Variants in FAM228B observed in about 807,000 individuals in gnomAD.
The protein encoded by FAM228B is family with sequence similarity 228 member B.
FAM228B carries 38 observed loss-of-function variants against 42.6 expected under a neutral mutation model. That is an observed-to-expected ratio of 0.89 (90% CI 0.69 to 1.17). The LOEUF (loss-of-function observed/expected upper bound fraction) is 1.17, where lower values mean the gene tolerates loss of function less well. FAM228B is among the 50% of genes most tolerant of loss of function. FAM228B has a pLI of 0.00. For synonymous variants in FAM228B, 109 were observed against 122.3 expected (o/e 0.89, Z 0.72); for missense variants, 344 against 367.3 (o/e 0.94, Z 0.52).
At chr2:24,096,363 C>T (rs371156108) in intron 3 of FAM228B, 5 of 152,100 alleles carry the variant, frequency 3.3e-5, no homozygotes, top group African/African-American at 4.8e-5. Flanking sequence ...TTGAACCCAT[C>T]GCAAGGAAGT....
At chr2:24,166,500 T>A (rs556830538) in intron 9 of FAM228B, 3 of 152,224 alleles carry the variant, frequency 2.0e-5, no homozygotes, top group Admixed American at 2.0e-4. Flanking sequence ...TCCCATGTGC[T>A]TGCTTGCTTG....
chr2:24,077,111 TGAG>T lies in FAM228B; in HGVS notation c.-290+147_-290+149del, dbSNP rs1664783601. 1 of 122,118 alleles carries T rather than the reference TGAG, an allele frequency of 8.2e-6. No individual in the cohort carries two copies. The highest frequency in any genetic ancestry group is 1.7e-5 in the Non-Finnish European group (1 of 58,446). The allele number at this position is 122,118 out of a possible 1,614,324, so 7.6% of individuals were successfully genotyped here. A position where few individuals can be genotyped will look rare whatever the true frequency, so the allele number is the denominator to read the frequency against. On this transcript the variant is annotated intron_variant, in intron 1 of 10. Coordinates refer to the FAM228B transcript ENST00000613899. The surrounding 1 kb of genome is among the most constrained non-coding windows in gnomAD (Gnocchi z 5.5). ...ATGTGTAGCGGGAGGTGGTGGGGCC[TGAG>T]GAGGGCGGCGAGAGGTGGGGTGGGG...
intron 5 of FAM228B, chr2:24,142,378 T>C (rs1666773628): frequency 6.6e-6 from 1 of 152,220 alleles, no homozygotes; most frequent in Non-Finnish European, 1.5e-5. Flanking sequence ...ACATAGAGGC[T>C]TGATTCCTTC....
In FAM228B at chr2:24,123,530, G is replaced by A. The variant is rs1666198624; in HGVS notation, c.-36G>A. The A allele has an allele frequency of 6.6e-6, 1 of 152,170 alleles. No individual in the cohort carries two copies. The highest frequency in any genetic ancestry group is 2.4e-5 in the African/African-American group (1 of 41,444). 9.4% of individuals were successfully genotyped at this position (152,170 alleles called of 1,614,324 possible). ...TGCTCGCGCGGCGCTGCGTCCGGGAGACGGTGGGCGCCAACATTCGCGCGT... is the reference window on the plus strand; with the variant it reads ...TGCTCGCGCGGCGCTGCGTCCGGGAAACGGTGGGCGCCAACATTCGCGCGT... On this transcript the variant is annotated 5_prime_UTR_variant, in exon 1 of 11. Transcript: ENST00000615575.
intron 3 of FAM228B, among the ~76,000 whole-genome samples, chr2:24,106,177 T>G (rs960629732): frequency 2.0e-5 from 3 of 151,932 alleles, no homozygotes; most frequent in African/African-American, 7.3e-5. Flanking sequence ...TCTCCAAAGT[T>G]TACATGAAAG....
rs200381841 is a variant in FAM228B, at chr2:24,150,484, G to C, written c.686+3398G>C. 5.3e-5 allele frequency among the ~76,000 whole-genome samples: 8 copies of C among 152,054 alleles called. No homozygotes were observed. In the East Asian group the frequency reaches 1.5e-3, roughly 29 times the overall value. ...CTGTCACCCAGGCTGGAGTGCAGTG[G>C]CATAATCTCGGCTCACTGCAACCTC... On this transcript the variant is annotated intron_variant, in intron 7 of 10. Transcript: ENST00000615575.
chr2:24,145,462 C>T (rs1380736453), intron 5 of FAM228B, among the ~76,000 whole-genome samples: 2 of 152,194 alleles, frequency 1.3e-5, no homozygotes, highest in Non-Finnish European at 2.9e-5. Context: ...ATAGACACGT[C>T]TCCAGGAAAA....
intron 2 of FAM228B, among the ~76,000 whole-genome samples, chr2:24,082,069 A>C (rs1319757689): frequency 6.6e-6 from 1 of 152,102 alleles, no homozygotes. Flanking sequence ...ATCATGGCTC[A>C]CTGCAGCCTT....
At chr2:24,103,876 A>C (rs1258484107) in intron 3 of FAM228B, among the ~76,000 whole-genome samples, 1 of 152,224 alleles carries the variant, frequency 6.6e-6, no homozygotes, top group Non-Finnish European at 1.5e-5. Context: ...GCTGAACCCC[A>C]AAATCTACAG....
intron 5 of FAM228B, among the ~76,000 whole-genome samples, chr2:24,145,599 A>G (rs543753585): frequency 2.2e-4 from 33 of 152,280 alleles, no homozygotes; most frequent in Non-Finnish European, 3.7e-4. Flanking sequence ...AAGGAACACA[A>G]TAACTCTCCA....
In FAM228B at chr2:24,160,090, G is replaced by C. The variant is rs571682473; in HGVS notation, c.687-1416G>C. ...TGCAGCCTTGATCTCCTGGGCTCAA[G>C]TGATTCCCCACTCCTTGGCTCCCCA... On this transcript the variant is annotated intron_variant, in intron 7 of 10. Transcript: ENST00000615575. Among the ~76,000 whole-genome samples the C allele has an allele frequency of 2.0e-5, 3 of 151,720 alleles. No homozygotes were observed. The South Asian group carries it at 6.2e-4, about 31-fold the overall frequency.
chr2:24,084,363 GGACAGGGCAGGGCAGGGCAGGA>G lies in FAM228B; in HGVS notation c.-210+3409_-210+3430del. On this transcript the variant is annotated intron_variant, in intron 2 of 10. Transcript: ENST00000613899. This position sits in a 1 kb window ranked among gnomAD's most constrained non-coding sequence, Gnocchi z 8.4. Reference sequence around the variant, plus strand: ...ACACAGGGCAGGGCAGGGCAGGACAGGACAGGGCAGGGCAGGGCAGGACAGGACAGGGCAGGGCAGGACAGGA... The same window carrying G: ...ACACAGGGCAGGGCAGGGCAGGACAGCAGGACAGGGCAGGGCAGGACAGGA... 5 of 1,326,756 alleles carry G rather than the reference GGACAGGGCAGGGCAGGGCAGGA, an allele frequency of 3.8e-6. No homozygotes were observed. Among genetic ancestry groups the G allele is most frequent in the Non-Finnish European group, 4.1e-6 (4 of 974,032 alleles). The allele number at this position is 1,326,756 out of a possible 1,614,324, so 82.2% of individuals were successfully genotyped here. A position where few individuals can be genotyped will look rare whatever the true frequency, so the allele number is the denominator to read the frequency against.
At chr2:24,165,067 C>G (rs1667371610) in intron 9 of FAM228B, among the ~76,000 whole-genome samples, 1 of 152,096 alleles carries the variant, frequency 6.6e-6, no homozygotes, top group South Asian at 2.1e-4. Context: ...CAGAAAAATG[C>G]CCAGACCAGT....
At position 24,138,088 on chromosome 2, in the gene FAM228B, T is replaced by C. The variant is rs1217393069; in HGVS notation, c.348T>C (p.His116=). ...RQGELDGFLK[H]VNKKGNAFIE... ...GGGAATTAGATGGCTTTTTAAAACATGTAAATAAAAAGGTACTAAGAGATC... is the reference window on the plus strand; with the variant it reads ...GGGAATTAGATGGCTTTTTAAAACACGTAAATAAAAAGGTACTAAGAGATC... The change falls in exon 4 of 11, where the codon CAT becomes CAC. Residue 116 remains histidine, a synonymous_variant. Transcript: ENST00000615575. The C allele has an allele frequency of 1.3e-6, 2 of 1,531,362 alleles. No individual in the cohort carries two copies. Among genetic ancestry groups the C allele is most frequent in the Non-Finnish European group, 1.8e-6 (2 of 1,141,764 alleles). The allele number at this position is 1,531,362 out of a possible 1,614,324, so 94.9% of individuals were successfully genotyped here. A position where few individuals can be genotyped will look rare whatever the true frequency, so the allele number is the denominator to read the frequency against.
chr2:24,122,672 G>A (rs747336334), upstream of FAM228B: 48 of 624,292 alleles, frequency 7.7e-5, no homozygotes, highest in Non-Finnish European at 1.1e-4. Flanking sequence ...AAAAGGTACA[G>A]GGTGAAAACG....
Position 24,164,336 on chromosome 2 carries a change from G to T in FAM228B, c.932+1G>T, listed in dbSNP as rs1360249815. On this transcript the variant is annotated splice_donor_variant, in intron 9 of 10. Transcript: ENST00000615575. LOFTEE classifies it high-confidence loss of function. ...AGGAACGGGAGGAAGACCAGGATGG[G>T]TAAGAGCTGGGGCTGTCCCATTTCA... is the stretch of plus-strand genomic sequence containing the variant. The T allele has an allele frequency of 1.9e-6, 3 of 1,549,812 alleles. No homozygotes were observed. The highest frequency in any genetic ancestry group is 4.9e-5 in the East Asian group (2 of 40,838).
intron 2 of FAM228B, among the ~76,000 whole-genome samples, chr2:24,132,469 T>TG (rs1193261484): frequency 1.5e-5 from 2 of 136,854 alleles, no homozygotes; most frequent in African/African-American, 5.7e-5. Flanking sequence ...GGATTGTTTT[T>TG]TTTTTTTTTT....
rs1667047170 is a variant in FAM228B at position 24,152,471 on chromosome 2, C to T, written c.686+5385C>T. Reference sequence around the variant, plus strand: ...GGTTTGTCCTTCTTGGGAAGGCTTTCCAGGTGTTTGAAGGGATTTGGGCCC... The same window carrying T: ...GGTTTGTCCTTCTTGGGAAGGCTTTTCAGGTGTTTGAAGGGATTTGGGCCC... On this transcript the variant is annotated intron_variant, in intron 7 of 10. Transcript: ENST00000615575. 3.9e-5 allele frequency among the ~76,000 whole-genome samples: 6 copies of T among 152,284 alleles called. No homozygotes were observed. The South Asian group carries it at 1.2e-3, about 32-fold the overall frequency.
Position 24,077,672 on chromosome 2 carries a change from G to T in FAM228B, c.-290+703G>T. The T allele has an allele frequency of 4.3e-6, 7 of 1,614,076 alleles. No homozygotes were observed. The highest frequency in any genetic ancestry group is 5.9e-6 in the Non-Finnish European group (7 of 1,179,980). On this transcript the variant is annotated intron_variant, in intron 1 of 10. Transcript: ENST00000613899. This position sits in a 1 kb window ranked among gnomAD's most constrained non-coding sequence, Gnocchi z 5.5. ...GGATTTCGGTCACTGGGTAGATTCT[G>T]TCCAGAACCGGCAGCAGACGTTGGG...
Sources: allele counts gnomAD v4.1 joint callset (sites outside exome capture counted in the v4.1 genomes callset), GRCh38; gene constraint gnomAD v4.1.1; non-coding constraint Gnocchi (gnomAD v3.1); transcripts MANE v1.5; gene names NCBI Gene and HGNC (gene_info 2026-07-23, HGNC 2026-07-21).